NBDY: variants seen among roughly 807,000 people sequenced by gnomAD.
NBDY encodes the protein negative regulator of P-body association, also known as P-body dissociating protein.
At chrX:56,784,283 G>C (rs192472962) in intron 2 of NBDY, among the ~76,000 whole-genome samples, 1 of 111,963 alleles carries the variant, frequency 8.9e-6, no homozygotes, top group South Asian at 3.8e-4. Context: ...ACAGGCTTCC[G>C]CACATTGTTG....
chrX:56,741,935 T>C (rs972874969), intron 2 of NBDY, among the ~76,000 whole-genome samples: 2 of 111,643 alleles, frequency 1.8e-5, no homozygotes, highest in Non-Finnish European at 3.8e-5. Context: ...ATTTTTCCCA[T>C]ATTTTCTTGT....
chrX:56,764,979 G>A (rs2069658438), intron 2 of NBDY, among the ~76,000 whole-genome samples: 1 of 112,596 alleles, frequency 8.9e-6, no homozygotes, highest in South Asian at 3.6e-4. Context: ...TCCATCTGAG[G>A]CACTTTGCAT....
rs199819293 is a variant in NBDY, at chrX:56,766,471, CACAA to C, written c.*166+34276_*166+34279del. Among the ~76,000 whole-genome samples, 31 of 111,944 alleles carry C rather than the reference CACAA, an allele frequency of 2.8e-4. No homozygotes were observed. In the East Asian group the frequency reaches 7.0e-3, roughly 25 times the overall value. The stretch of plus-strand genomic sequence containing the variant: ...ACAAAAACACGCTTACACATACCCA[CACAA>C]ACACACACATACACACACATAAAGT... On this transcript the variant is annotated intron_variant, in intron 2 of 2. Transcript: ENST00000374922.
chrX:56,736,747 T>C (rs2069496427), intron 2 of NBDY, among the ~76,000 whole-genome samples: 1 of 112,402 alleles, frequency 8.9e-6, no homozygotes, highest in African/African-American at 3.2e-5. Flanking sequence ...TGTTTTCTAG[T>C]CTACATGTTA....
chrX:56,729,275 G>A lies in NBDY; in HGVS notation c.-79G>A. Reference sequence around the variant, plus strand: ...GAGGAAGCCAGCTCTGTGCCTGGAGGGGACTCGCCGCCATCTCAGGTCTCT... The same window carrying A: ...GAGGAAGCCAGCTCTGTGCCTGGAGAGGACTCGCCGCCATCTCAGGTCTCT... On this transcript the variant is annotated 5_prime_UTR_variant, in exon 1 of 3. Coordinates refer to ENST00000374922, the MANE Select transcript of NBDY (RefSeq NM_001348129.2). 3.4e-6 allele frequency: 1 copy of A among 295,380 alleles called. No homozygotes were observed. The highest frequency in any genetic ancestry group is 5.9e-6 in the Non-Finnish European group (1 of 169,329). 24.3% of individuals were successfully genotyped at this position (295,380 alleles called of 1,213,427 possible).
intron 2 of NBDY, among the ~76,000 whole-genome samples, chrX:56,736,155 A>G (rs2069489873): frequency 8.9e-6 from 1 of 112,222 alleles, no homozygotes; most frequent in African/African-American, 3.2e-5. Flanking sequence ...AAAACCAGGG[A>G]GGCTGCATAT....
chrX:56,740,283 T>TA (rs2069525465), intron 2 of NBDY, among the ~76,000 whole-genome samples: 1 of 112,155 alleles, frequency 8.9e-6, no homozygotes, highest in Admixed American at 9.4e-5. Flanking sequence ...TCATTGTATA[T>TA]AGCTGTTTTT....
At chrX:56,766,085 C>T (rs1330493376) in intron 2 of NBDY, among the ~76,000 whole-genome samples, 2 of 112,155 alleles carry the variant, frequency 1.8e-5, no homozygotes, top group African/African-American at 6.5e-5. Flanking sequence ...TCATGGTGAA[C>T]GCACCCTTTA....
intron 2 of NBDY, among the ~76,000 whole-genome samples, chrX:56,804,296 G>T (rs766196382): frequency 8.9e-6 from 1 of 111,927 alleles, no homozygotes; most frequent in Admixed American, 9.4e-5. Flanking sequence ...AGAAGGTCGG[G>T]CCAGGTGTCT....
intron 2 of NBDY, among the ~76,000 whole-genome samples, chrX:56,786,172 G>T (rs1234278048): frequency 9.1e-6 from 1 of 110,000 alleles, no homozygotes; most frequent in East Asian, 2.8e-4. Context: ...TTGTAGACTT[G>T]GTGCTGGGTG....
At chrX:56,794,398 C>T (rs1480794145) in intron 2 of NBDY, among the ~76,000 whole-genome samples, 1 of 111,650 alleles carries the variant, frequency 9.0e-6, no homozygotes, top group East Asian at 2.8e-4. Context: ...TGAACAAAAC[C>T]AACACAAAAA....
At chrX:56,798,111 G>A (rs139328603) in intron 2 of NBDY, among the ~76,000 whole-genome samples, 365 of 112,131 alleles carry the variant, frequency 3.3e-3, no homozygotes, top group Non-Finnish European at 5.3e-3. Flanking sequence ...ACAAGCAATG[G>A]GCTATGGGCA....
At chrX:56,738,687 C>T (rs907034346) in intron 2 of NBDY, among the ~76,000 whole-genome samples, 1 of 111,848 alleles carries the variant, frequency 8.9e-6, no homozygotes, top group Admixed American at 9.5e-5. Context: ...GTCTGGAAGG[C>T]TACTGAGCAC....
At chrX:56,761,682 G>A (rs748964891) in intron 2 of NBDY, among the ~76,000 whole-genome samples, 2 of 113,082 alleles carry the variant, frequency 1.8e-5, no homozygotes, top group Admixed American at 1.9e-4. Context: ...GGTTTGGGGA[G>A]GTCAGGATTC....
intron 2 of NBDY, chrX:56,737,132 T>C: frequency 3.9e-6 from 2 of 517,558 alleles, no homozygotes; most frequent in Non-Finnish European, 7.1e-6. Flanking sequence ...GCCATTACAA[T>C]AGACATTTAT....
rs2146746940 is a variant in NBDY, at chrX:56,818,868, G to A, written c.*1715G>A. 9.1e-6 allele frequency: 1 copy of A among 109,541 alleles called. No homozygotes were observed. The highest frequency in any genetic ancestry group is 2.9e-4 in the East Asian group (1 of 3,481). The allele number at this position is 109,541 out of a possible 1,213,427, so 9.0% of individuals were successfully genotyped here. A position where few individuals can be genotyped will look rare whatever the true frequency, so the allele number is the denominator to read the frequency against. ...TCAATGAAATAGAATCCAAAGTCCA[G>A]ACATAAGCCCTCACAAAAGTTAATT... On this transcript the variant is annotated 3_prime_UTR_variant, in exon 3 of 3. Coordinates refer to ENST00000374922, the MANE Select transcript of NBDY (RefSeq NM_001348129.2).
intron 2 of NBDY, among the ~76,000 whole-genome samples, chrX:56,762,256 C>G (rs1415598237): frequency 2.7e-5 from 3 of 110,867 alleles, no homozygotes; most frequent in African/African-American, 9.9e-5. Flanking sequence ...CCTCTTCCTC[C>G]TCTTCCTCTT....
chrX:56,758,203 T>C (rs2069620785), intron 2 of NBDY, among the ~76,000 whole-genome samples: 1 of 108,934 alleles, frequency 9.2e-6, no homozygotes, highest in Admixed American at 9.8e-5. Flanking sequence ...TAATCTCAGC[T>C]ACTTTGGGAG....
rs183242498 is a variant in NBDY, at chrX:56,752,821, A to G, written c.*166+20622A>G. Among the ~76,000 whole-genome samples, 978 of 110,286 alleles carry G rather than the reference A, an allele frequency of 8.9e-3. 13 individuals carry two copies. Among genetic ancestry groups the G allele is most frequent in the African/African-American group, 0.031 (932 of 30,294 alleles). Reference sequence around the variant, plus strand: ...GACGGGGGTTTCACCATGATGGCCAAGCTGGTTTCGAACTCCTGACCTCAA... The same window carrying G: ...GACGGGGGTTTCACCATGATGGCCAGGCTGGTTTCGAACTCCTGACCTCAA... On this transcript the variant is annotated intron_variant, in intron 2 of 2. Coordinates refer to ENST00000374922, the MANE Select transcript of NBDY (RefSeq NM_001348129.2).
Sources: gnomAD v4.1 joint callset for allele counts (sites outside exome capture counted in the v4.1 genomes callset) on GRCh38, gnomAD v4.1.1 for gene constraint, MANE v1.5 for transcripts, NCBI Gene and HGNC (gene_info 2026-07-23, HGNC 2026-07-21) for gene names.